The following PHC2 variants were observed in gnomAD, a reference collection of about 807,000 sequenced individuals.
PHC2 encodes the protein polyhomeotic-like protein 2.
A neutral mutation model predicts 87.4 loss-of-function variants in PHC2; 29 were observed. That is an observed-to-expected ratio of 0.33 (90% CI 0.25 to 0.45). PHC2 has a LOEUF of 0.45. Among genes scored for constraint, PHC2 ranks in the 20% least tolerant of loss-of-function variants. The pLI, the probability that PHC2 is intolerant of heterozygous loss-of-function variation, is 1.00. For synonymous variants in PHC2, 438 were observed against 461.7 expected (o/e 0.95, Z 0.66); for missense variants, 857 against 1,136.7 (o/e 0.75, Z 3.54).
intron 1 of PHC2, among the ~76,000 whole-genome samples, chr1:33,402,843 T>G (rs1367923731): frequency 6.6e-6 from 1 of 151,944 alleles, no homozygotes; most frequent in Admixed American, 6.6e-5. Context: ...CTCTTTTTTT[T>G]GAGATGGATT....
intron 4 of PHC2, 27 bp downstream of exon 4, chr1:33,370,990 C>T (rs1305153595): frequency 1.2e-6 from 2 of 1,601,146 alleles, no homozygotes; most frequent in Non-Finnish European, 1.7e-6. Flanking sequence ...GCTGTGGACT[C>T]TGCTGCTGCT....
At chr1:33,350,726 C>T (rs553011968) in intron 9 of PHC2, among the ~76,000 whole-genome samples, 1 of 152,084 alleles carries the variant, frequency 6.6e-6, no homozygotes, top group Non-Finnish European at 1.5e-5. Flanking sequence ...CCACCCCTTT[C>T]CACTCTCAGG....
chr1:33,362,063 C>A (rs1647206667), intron 7 of PHC2, among the ~76,000 whole-genome samples: 1 of 152,220 alleles, frequency 6.6e-6, no homozygotes, highest in Non-Finnish European at 1.5e-5. Context: ...TAACGCTCTG[C>A]CTCCCTGGTA....
intron 1 of PHC2, among the ~76,000 whole-genome samples, chr1:33,418,048 C>T (rs572171689): frequency 2.8e-4 from 43 of 152,080 alleles, no homozygotes; most frequent in Non-Finnish European, 2.5e-4. Context: ...AAAAACATTA[C>T]GTATCAAAAT....
chr1:33,407,981 G>GA (rs1324660940), intron 1 of PHC2, among the ~76,000 whole-genome samples: 1 of 152,218 alleles, frequency 6.6e-6, no homozygotes, highest in Non-Finnish European at 1.5e-5. Flanking sequence ...AACAAGGTGT[G>GA]AGGGGGGAGA....
chr1:33,417,574 G>T (rs1039632143), intron 1 of PHC2, among the ~76,000 whole-genome samples: 2 of 152,030 alleles, frequency 1.3e-5, no homozygotes, highest in African/African-American at 4.8e-5. Context: ...TTCATCAAGA[G>T]AACACACAAT....
At chr1:33,341,006 C>G (rs1347998736) in intron 9 of PHC2, among the ~76,000 whole-genome samples, 3 of 151,946 alleles carry the variant, frequency 2.0e-5, no homozygotes, top group Non-Finnish European at 4.4e-5. Context: ...AGTTTAACAT[C>G]TTAAATGTCC....
intron 9 of PHC2, among the ~76,000 whole-genome samples, chr1:33,340,863 T>G (rs928651059): frequency 6.8e-6 from 1 of 147,030 alleles, no homozygotes; most frequent in Non-Finnish European, 1.5e-5. Context: ...CACACTTTAC[T>G]GTGAATTACT....
At chr1:33,347,542 C>A in intron 9 of PHC2, 7 of 985,246 alleles carry the variant, frequency 7.1e-6, no homozygotes, top group Non-Finnish European at 8.4e-6. Context: ...CACCTTTGTG[C>A]CACATGTCAG....
chr1:33,342,766 G>GT (rs1209347835), intron 9 of PHC2, among the ~76,000 whole-genome samples: 1 of 152,230 alleles, frequency 6.6e-6, no homozygotes, highest in African/African-American at 2.4e-5. Context: ...ATGGAGGCCA[G>GT]TCCACTGGTA....
At chr1:33,385,319 G>C (rs1452618856) in intron 1 of PHC2, among the ~76,000 whole-genome samples, 1 of 152,132 alleles carries the variant, frequency 6.6e-6, no homozygotes, top group African/African-American at 2.4e-5. Flanking sequence ...AAAGCATTTC[G>C]GAAACAAAAA....
chr1:33,338,874 G>A (rs1393781583), intron 9 of PHC2, among the ~76,000 whole-genome samples: 1 of 152,188 alleles, frequency 6.6e-6, no homozygotes, highest in Non-Finnish European at 1.5e-5. Flanking sequence ...CTAGGCTTCG[G>A]TGGGGGAAGG....
At chr1:33,338,108 T>C (rs1026904451) in intron 9 of PHC2, among the ~76,000 whole-genome samples, 3 of 152,100 alleles carry the variant, frequency 2.0e-5, no homozygotes, top group Non-Finnish European at 1.5e-5. Context: ...CCTGCCTCCA[T>C]CCCCCACTCC....
At chr1:33,394,412 AG>A (rs1211170521) in intron 1 of PHC2, among the ~76,000 whole-genome samples, 2 of 152,234 alleles carry the variant, frequency 1.3e-5, no homozygotes, top group Non-Finnish European at 2.9e-5. Flanking sequence ...TTTAAACTAA[AG>A]TTAAATGTTA....
At chr1:33,423,194 T>C (rs1183122140) in intron 1 of PHC2, among the ~76,000 whole-genome samples, 1 of 152,106 alleles carries the variant, frequency 6.6e-6, no homozygotes, top group Non-Finnish European at 1.5e-5. Context: ...GCTTGGAACA[T>C]AACTCTAGCA....
chr1:33,429,153 T>C (rs1316288437), intron 1 of PHC2, among the ~76,000 whole-genome samples: 1 of 152,182 alleles, frequency 6.6e-6, no homozygotes, highest in East Asian at 1.9e-4. Flanking sequence ...CCCTCTCCCT[T>C]GGAGCAACTG....
At chr1:33,397,571 C>G (rs929774322) in intron 1 of PHC2, among the ~76,000 whole-genome samples, 2 of 152,182 alleles carry the variant, frequency 1.3e-5, no homozygotes, top group African/African-American at 4.8e-5. Context: ...AGGCCTCGGT[C>G]TCCTGACTCT....
chr1:33,372,140 A>G (rs910969247), intron 3 of PHC2, 149 bp downstream of exon 3: 6 of 682,682 alleles, frequency 8.8e-6, no homozygotes, highest in African/African-American at 3.7e-5. Flanking sequence ...AAAAGGAGAT[A>G]ATGACAGTAG....
intron 13 of PHC2, 63 bp downstream of exon 13, chr1:33,330,001 TGTCGAGG>T: frequency 1.3e-6 from 2 of 1,547,472 alleles, no homozygotes; most frequent in Non-Finnish European, 1.8e-6. Context: ...GGGACCGTGG[TGTCGAGG>T]GCCATGGAAG....
Sources: gnomAD v4.1 joint callset for allele counts (sites outside exome capture counted in the v4.1 genomes callset) on GRCh38, gnomAD v4.1.1 for gene constraint, MANE v1.5 for transcripts, NCBI Gene and HGNC (gene_info 2026-07-23, HGNC 2026-07-21) for gene names.